RFX3: variants seen among roughly 807,000 people sequenced by gnomAD.
RFX3 encodes the protein transcription factor RFX3.
A neutral mutation model predicts 98.6 loss-of-function variants in RFX3; 14 were observed. That is an observed-to-expected ratio of 0.14 (90% CI 0.09 to 0.22). The LOEUF is 0.22. Among genes scored for constraint, RFX3 ranks in the 10% least tolerant of loss-of-function variants. The probability of loss-of-function intolerance (pLI) is 1.00; values close to 1 mark genes in which losing one functional copy is unlikely to be tolerated. For missense variants in RFX3, 639 were observed against 926.9 expected (o/e 0.69, Z 4.03); for synonymous variants, 383 against 328.4 (o/e 1.17, Z -1.80).
At chr9:3,483,646 A>T (rs547047707) in intron 1 of RFX3, among the ~76,000 whole-genome samples, 9 of 152,320 alleles carry the variant, frequency 5.9e-5, no homozygotes, top group Admixed American at 2.6e-4. Flanking sequence ...ATTGAAATCC[A>T]GATTATAGAT....
chr9:3,365,733 A>T (rs1836984431), intron 2 of RFX3, among the ~76,000 whole-genome samples: 1 of 152,108 alleles, frequency 6.6e-6, no homozygotes, highest in Admixed American at 6.5e-5. Flanking sequence ...AGTAAAATGC[A>T]ACTGCATCCT....
At chr9:3,305,470 C>A (rs565695108) in intron 4 of RFX3, among the ~76,000 whole-genome samples, 2 of 151,808 alleles carry the variant, frequency 1.3e-5, no homozygotes, top group South Asian at 4.2e-4. Flanking sequence ...TCTGGGACAA[C>A]AGTAAAGGAA....
intron 1 of RFX3, among the ~76,000 whole-genome samples, chr9:3,436,619 T>C (rs759717274): frequency 6.6e-6 from 1 of 152,120 alleles, no homozygotes; most frequent in African/African-American, 2.4e-5. Flanking sequence ...TACATGCCAG[T>C]TGGCTGGCCC....
At chr9:3,357,049 A>G (rs931060723) in intron 2 of RFX3, among the ~76,000 whole-genome samples, 2 of 151,716 alleles carry the variant, frequency 1.3e-5, no homozygotes, top group Admixed American at 1.3e-4. Flanking sequence ...CATCTATAGA[A>G]AAAAATACAA....
At chr9:3,326,438 G>A (rs1831928222) in intron 4 of RFX3, among the ~76,000 whole-genome samples, 1 of 151,950 alleles carries the variant, frequency 6.6e-6, no homozygotes, top group South Asian at 2.1e-4. Context: ...CATCACCTAG[G>A]TATTAAGCCT....
At chr9:3,381,273 T>C (rs1484824655) in intron 2 of RFX3, among the ~76,000 whole-genome samples, 3 of 151,972 alleles carry the variant, frequency 2.0e-5, no homozygotes, top group Non-Finnish European at 4.4e-5. Context: ...GTAGAATAAT[T>C]ATGTTATTAA....
intron 4 of RFX3, among the ~76,000 whole-genome samples, chr9:3,315,283 A>G (rs1159688109): frequency 1.5e-5 from 2 of 137,086 alleles, no homozygotes; most frequent in East Asian, 3.9e-4. Context: ...TACTGGGTAC[A>G]TACGAAATGA....
At chr9:3,427,839 T>C (rs944857418) in intron 1 of RFX3, among the ~76,000 whole-genome samples, 1 of 152,080 alleles carries the variant, frequency 6.6e-6, no homozygotes, top group Non-Finnish European at 1.5e-5. Flanking sequence ...AGGGAACCCA[T>C]ATTCAGAATT....
intron 1 of RFX3, among the ~76,000 whole-genome samples, chr9:3,410,189 G>C (rs1842340980): frequency 6.6e-6 from 1 of 151,140 alleles, no homozygotes; most frequent in Non-Finnish European, 1.5e-5. Context: ...GTGTGTGTGT[G>C]TGTGTGTGTG....
At chr9:3,345,406 TA>T (rs1341674481) in intron 3 of RFX3, among the ~76,000 whole-genome samples, 1 of 152,132 alleles carries the variant, frequency 6.6e-6, no homozygotes, top group Non-Finnish European at 1.5e-5. Flanking sequence ...TGTGGAAAGT[TA>T]GATTTTATTT....
In RFX3 at chr9:3,220,161, T is replaced by C. The variant is rs1221462799; in HGVS notation, c.*4881A>G. The C allele has an allele frequency of 6.6e-6, 1 of 152,208 alleles. No individual in the cohort carries two copies. Among genetic ancestry groups the C allele is most frequent in the Non-Finnish European group, 1.5e-5 (1 of 68,038 alleles). 9.4% of individuals were successfully genotyped at this position (152,208 alleles called of 1,614,324 possible). A position where few individuals can be genotyped will look rare whatever the true frequency, so the allele number is the denominator to read the frequency against. On this transcript the variant is annotated 3_prime_UTR_variant, in exon 17 of 17. Transcript: ENST00000617270. ...AAGTTTTGGAGCATAGATAAAATTA[T>C]GCCCTGTGTGAAATTCGCAAACAAT...
chr9:3,267,906 A>T lies in RFX3; in HGVS notation c.1358-1601T>A, dbSNP rs967133556. On this transcript the variant is annotated intron_variant, in intron 11 of 16. Transcript: ENST00000617270. ...ATTTTTCCTACAATTAGTGTACATT[A>T]ATTATTTAATCTGAAAAATAACCCC... Among the ~76,000 whole-genome samples, 4 of 152,052 alleles carry T rather than the reference A, an allele frequency of 2.6e-5. No individual in the cohort carries two copies. In the South Asian group the frequency reaches 8.3e-4, roughly 31 times the overall value.
At chr9:3,289,473 C>T (rs1388516021) in intron 6 of RFX3, among the ~76,000 whole-genome samples, 1 of 151,926 alleles carries the variant, frequency 6.6e-6, no homozygotes, top group East Asian at 1.9e-4. Context: ...ATAAGCAAAA[C>T]CAAAAAATTC....
At chr9:3,381,899 C>T (rs2131715089) in intron 2 of RFX3, among the ~76,000 whole-genome samples, 1 of 152,264 alleles carries the variant, frequency 6.6e-6, no homozygotes, top group Admixed American at 6.5e-5. Context: ...ATATATATTA[C>T]TACTTTCAGT....
At chr9:3,398,911 TAATAA>T (rs1841182637) in intron 1 of RFX3, among the ~76,000 whole-genome samples, 3 of 36,630 alleles carry the variant, frequency 8.2e-5, no homozygotes, top group African/African-American at 7.3e-4. Flanking sequence ...ACTTAGAGTA[TAATAA>T]AAAAAAAAAA....
At chr9:3,354,849 T>C (rs890173605) in intron 2 of RFX3, among the ~76,000 whole-genome samples, 6 of 151,932 alleles carry the variant, frequency 3.9e-5, no homozygotes, top group Non-Finnish European at 5.9e-5. Flanking sequence ...TAAAAAGTTA[T>C]AGGGATTTTT....
At chr9:3,306,580 T>C (rs1296392715) in intron 4 of RFX3, among the ~76,000 whole-genome samples, 4 of 117,034 alleles carry the variant, frequency 3.4e-5, no homozygotes, top group Non-Finnish European at 3.3e-5. Flanking sequence ...AAGGGGAACA[T>C]CACACACCGG....
intron 4 of RFX3, among the ~76,000 whole-genome samples, chr9:3,318,402 T>A (rs531447780): frequency 6.6e-6 from 1 of 152,096 alleles, no homozygotes; most frequent in East Asian, 1.9e-4. Context: ...GGGATAGCAT[T>A]AGGAGATATA....
rs185781551 is a variant in RFX3 at position 3,276,357 on chromosome 9, A to G, written c.974-745T>C. The stretch of plus-strand genomic sequence containing the variant: ...AGTCTCTCTGTGTTCTTTTCTTATT[A>G]GCTCTGGACAATTAATGTAAGACAT... On this transcript the variant is annotated intron_variant, in intron 8 of 16. Coordinates refer to ENST00000617270, the MANE Select transcript of RFX3 (RefSeq NM_001282116.2). Among the ~76,000 whole-genome samples the G allele has an allele frequency of 3.3e-5, 5 of 152,230 alleles. No individual in the cohort carries two copies. In the East Asian group the frequency reaches 9.6e-4, roughly 29 times the overall value.
Sources: allele counts gnomAD v4.1 joint callset (sites outside exome capture counted in the v4.1 genomes callset), GRCh38; gene constraint gnomAD v4.1.1; transcripts MANE v1.5; gene names NCBI Gene and HGNC (gene_info 2026-07-23, HGNC 2026-07-21).